The following LRRC36 variants were observed in gnomAD, a reference collection of about 807,000 sequenced individuals.
LRRC36 encodes the protein leucine-rich repeat-containing protein 36.
Under a neutral mutation model 81.1 loss-of-function variants are expected in LRRC36, and 62 were observed. The ratio of observed to expected loss-of-function variants is 0.76; its 90% CI spans 0.62 to 0.94. The LOEUF is 0.94. Ranked by LOEUF, LRRC36 falls within the 40% of genes least tolerant of loss-of-function variation. The pLI is 0.00. For missense variants in LRRC36, 761 were observed against 881.7 expected (o/e 0.86, Z 1.73); for synonymous variants, 334 against 348.6 (o/e 0.96, Z 0.47).
intron 8 of LRRC36, among the ~76,000 whole-genome samples, chr16:67,370,053 G>T (rs904426150): frequency 6.6e-6 from 1 of 152,150 alleles, no homozygotes; most frequent in African/African-American, 2.4e-5. Context: ...AGGGAGAAAA[G>T]GGACCGTTAC....
intron 1 of LRRC36, among the ~76,000 whole-genome samples, chr16:67,331,113 G>GAGAGAGAGAGAGAGAGAGAGAGAGAGAA (rs1567462464): frequency 5.1e-5 from 7 of 136,240 alleles, no homozygotes; most frequent in African/African-American, 1.6e-4. Flanking sequence ...GAGAGAGAGA[G>GAGAGAGAGAGAGAGAGAGAGAGAGAGAA]AAGACTGAAC....
At chr16:67,382,395 G>C in intron 13 of LRRC36, 148 bp downstream of exon 13, 1 of 602,086 alleles carries the variant, frequency 1.7e-6, no homozygotes, top group South Asian at 2.1e-5. Context: ...AGTTAGCTCA[G>C]GGATTATAAA....
At chr16:67,361,459 TA>T (rs962378431) in intron 5 of LRRC36, among the ~76,000 whole-genome samples, 1 of 152,168 alleles carries the variant, frequency 6.6e-6, no homozygotes, top group Non-Finnish European at 1.5e-5. Context: ...AAAATATTGG[TA>T]AAAAAATAAA....
chr16:67,367,417 C>T lies in LRRC36; in HGVS notation c.1155C>T (p.Asn385=), dbSNP rs1168530152. 12 of 1,613,836 alleles carry T rather than the reference C, an allele frequency of 7.4e-6. No individual in the cohort carries two copies. The East Asian group carries it at 2.7e-4, about 36-fold the overall frequency. ...GAGACTTATTAACTTCTCTGTCAAA[C>T]CCTGACTCCAGCACTGGAAGGCTTT... ...SCGDLLTSLS[N]PDSSTGRLLK... is the part of the protein sequence containing the mutation. Residue 385 remains asparagine (N), a synonymous_variant, in exon 8 of 14, where the codon AAC becomes AAT. Coordinates refer to ENST00000329956, the MANE Select transcript of LRRC36 (RefSeq NM_018296.6).
intron 1 of LRRC36, among the ~76,000 whole-genome samples, chr16:67,340,845 CACATATACTCTATAGAATATATACT>C (rs71145968): frequency 4.7e-3 from 229 of 48,696 alleles, no homozygotes; most frequent in Admixed American, 7.8e-3. Context: ...GAATATATAC[CACATATACTCTATAGAATATATACT>C]ACATATACTC....
At chr16:67,335,180 G>T (rs1218892442) in intron 1 of LRRC36, among the ~76,000 whole-genome samples, 1 of 152,312 alleles carries the variant, frequency 6.6e-6, no homozygotes, top group East Asian at 1.9e-4. Context: ...AAGCCTGGGA[G>T]CACTACGGGA....
intron 1 of LRRC36, among the ~76,000 whole-genome samples, chr16:67,332,505 G>T (rs2037544617): frequency 6.6e-6 from 1 of 152,138 alleles, no homozygotes; most frequent in African/African-American, 2.4e-5. Context: ...AGTGTGCCAA[G>T]ATGGTGCCAT....
At chr16:67,367,552 T>C in intron 8 of LRRC36, 95 bp downstream of exon 8, 1 of 1,091,372 alleles carries the variant, frequency 9.2e-7, no homozygotes, top group African/African-American at 1.6e-5. Context: ...TGAAATTGTA[T>C]TAGCATTTCT....
At chr16:67,341,139 A>G (rs1326609313) in intron 1 of LRRC36, among the ~76,000 whole-genome samples, 3 of 120,586 alleles carry the variant, frequency 2.5e-5, no homozygotes, top group African/African-American at 9.5e-5. Flanking sequence ...TACATATTCT[A>G]TAGAATATGT....
intron 12 of LRRC36, 128 bp from the exon 13 acceptor site, chr16:67,382,005 G>T (rs2040128350): frequency 1.6e-6 from 1 of 643,980 alleles, no homozygotes; most frequent in African/African-American, 1.8e-5. Context: ...TCCAAGTAAG[G>T]CAATGGAGTG....
chr16:67,371,265 T>C, intron 9 of LRRC36, 23 bp downstream of exon 9: 1 of 1,614,014 alleles, frequency 6.2e-7, no homozygotes, highest in Non-Finnish European at 8.5e-7. Flanking sequence ...TTGTTTGTGT[T>C]TGTGCGAGAA....
At chr16:67,357,672 G>A (rs1472181228) in intron 5 of LRRC36, among the ~76,000 whole-genome samples, 1 of 152,200 alleles carries the variant, frequency 6.6e-6, no homozygotes. Context: ...GGCATCAGGA[G>A]ATGGTTCTTG....
intron 5 of LRRC36, 84 bp downstream of exon 5, chr16:67,350,374 A>C: frequency 8.8e-7 from 1 of 1,131,960 alleles, no homozygotes; most frequent in African/African-American, 1.6e-5. Context: ...AGATGAAGAC[A>C]CATAGTTGAG....
chr16:67,349,679 G>C (rs1440425467), intron 4 of LRRC36, among the ~76,000 whole-genome samples: 1 of 152,020 alleles, frequency 6.6e-6, no homozygotes, highest in Non-Finnish European at 1.5e-5. Context: ...TTTACAGGCT[G>C]AACTATAGTG....
In LRRC36 at chr16:67,375,377, G is replaced by T; in HGVS notation, c.1625G>T (p.Gly542Val). 1 of 1,596,680 alleles carries T rather than the reference G, an allele frequency of 6.3e-7. No individual in the cohort carries two copies. The change falls in exon 10 of 14, where the codon GGC becomes GTC. Residue 542 changes from glycine (G) to valine (V), a missense_variant. By Grantham distance (109) the Gly-to-Val change is moderately radical. Around this residue, in one of 3 missense-constraint regions of LRRC36, gnomAD observed 359 missense variants for 388.4 expected, o/e 0.92. Coordinates refer to ENST00000329956, the MANE Select transcript of LRRC36 (RefSeq NM_018296.6). ...LLELVDKHWN[G>V]SGSLLLNKKF... ...GAGCTTGTGGATAAGCACTGGAATG[G>T]CTCCGGCTCCCTCCTCCTCAACAAG...
At chr16:67,346,789 T>G (rs937440046) in intron 3 of LRRC36, among the ~76,000 whole-genome samples, 2 of 152,188 alleles carry the variant, frequency 1.3e-5, no homozygotes, top group African/African-American at 4.8e-5. Context: ...ATACAATTTA[T>G]TTGGGGGCTT....
At chr16:67,366,566 A>G (rs2039399100) in intron 7 of LRRC36, among the ~76,000 whole-genome samples, 1 of 152,136 alleles carries the variant, frequency 6.6e-6, no homozygotes, top group South Asian at 2.1e-4. Flanking sequence ...CCTGGCCAAC[A>G]CGGTGAAACC....
At chr16:67,340,528 C>T (rs144922911) in intron 1 of LRRC36, among the ~76,000 whole-genome samples, 4,882 of 151,242 alleles carry the variant, frequency 0.032, 132 homozygotes, top group South Asian at 0.069. Context: ...TGGTGGTGCA[C>T]ACCTGTGTTC....
At chr16:67,351,060 A>G (rs1189562724) in intron 5 of LRRC36, among the ~76,000 whole-genome samples, 1 of 152,196 alleles carries the variant, frequency 6.6e-6, no homozygotes. Context: ...TAAATAAAAA[A>G]TAAATAAAGT....
Sources: allele counts gnomAD v4.1 joint callset (sites outside exome capture counted in the v4.1 genomes callset), GRCh38; gene constraint gnomAD v4.1.1; regional missense constraint gnomAD v4.1.1; transcripts MANE v1.5; gene names NCBI Gene and HGNC (gene_info 2026-07-23, HGNC 2026-07-21).